Variants in SP110 observed in about 807,000 individuals in gnomAD.
The protein encoded by SP110 is SP110 nuclear body protein.
A neutral mutation model predicts 92.7 loss-of-function variants in SP110; 62 were observed. The ratio of observed to expected loss-of-function variants is 0.67; its 90% confidence interval spans 0.55 to 0.83. The LOEUF (loss-of-function observed/expected upper bound fraction) is 0.83. SP110 is among the 40% of genes least tolerant of loss of function. The pLI is 0.00. For synonymous variants in SP110, 273 were observed against 305.3 expected, an observed-to-expected ratio of 0.89 and a Z score of 1.10; for missense variants, 793 against 863.9, an observed-to-expected ratio of 0.92 and a Z score of 1.03.
At chr2:230,214,891 C>T in intron 3 of SP110, 59 bp downstream of exon 3, 13 of 1,456,694 alleles carry the variant, frequency 8.9e-6, no homozygotes, top group Non-Finnish European at 1.3e-5. Context: ...TAGAAGTAAA[C>T]CCAGACTTTT....
Position 230,206,596 on chromosome 2 carries a change from TA to T in SP110, c.898+1394del, listed in dbSNP as rs1370677041. On this transcript the variant is annotated intron_variant, in intron 8 of 18. Coordinates refer to ENST00000258381, the MANE Select transcript of SP110 (RefSeq NM_080424.4). ...ATTATATATTATCTGGTCCAGATTT[TA>T]TATATATATATATATATATATATAT... is the stretch of plus-strand genomic sequence containing the variant. Among the ~76,000 whole-genome samples the T allele has an allele frequency of 9.8e-3, 80 of 8,144 alleles. 1 individual carries two copies. Among genetic ancestry groups the T allele is most frequent in the African/African-American group, 0.024 (21 of 866 alleles). 5.3% of individuals were successfully genotyped at this position (8,144 alleles called of 152,430 possible). A position where few individuals can be genotyped will look rare whatever the true frequency, so the allele number is the denominator to read the frequency against.
chr2:230,204,176 C>G (rs72982411), intron 8 of SP110, among the ~76,000 whole-genome samples: 12,062 of 152,272 alleles, frequency 0.079, 663 homozygotes, highest in South Asian at 0.25. Context: ...CTTTCGGTAG[C>G]TTGGCAGAGA....
intron 4 of SP110, 52 bp downstream of exon 4, chr2:230,212,709 C>T (rs2044629899): frequency 1.2e-6 from 2 of 1,609,100 alleles, no homozygotes; most frequent in South Asian, 1.1e-5. Context: ...CAACATGGCA[C>T]AGGCACCTTA....
chr2:230,204,847 G>A (rs1365410421), intron 8 of SP110, among the ~76,000 whole-genome samples: 2 of 152,134 alleles, frequency 1.3e-5, no homozygotes, highest in African/African-American at 4.8e-5. Context: ...ACATTTATGG[G>A]GAGTAGTGTA....
rs766278218 is a variant in SP110 at position 230,169,106 on chromosome 2, A to G, written c.*18T>C. On this transcript the variant is annotated 3_prime_UTR_variant, in exon 19 of 19. Coordinates refer to ENST00000258381, the MANE Select transcript of SP110 (RefSeq NM_080424.4). ...CTGAATCCTGAGGTGGGGATGCTTC[A>G]GTCTTTACAGAACAGGGTCAAGGAA... 2 of 1,505,876 alleles carry G rather than the reference A, an allele frequency of 1.3e-6. No individual in the cohort carries two copies. The highest frequency in any genetic ancestry group is 3.3e-5 in the Admixed American group (2 of 59,884). 93.3% of individuals were successfully genotyped at this position (1,505,876 alleles called of 1,614,324 possible).
At chr2:230,202,888 T>C in intron 8 of SP110, 160 bp from the exon 9 acceptor site, 1 of 705,274 alleles carries the variant, frequency 1.4e-6, no homozygotes, top group South Asian at 1.6e-5. Context: ...TCTATAATTA[T>C]ATCCTTCTTC....
At position 230,215,122 on chromosome 2, in the gene SP110, T is replaced by A; in HGVS notation, c.148-4A>T. On this transcript the variant is annotated splice_region_variant and splice_polypyrimidine_tract_variant and intron_variant, in intron 2 of 18. Transcript: ENST00000258381. ...TTCTACAGGCTTCCAGAGATTCCTA[T>A]AAAAATGGAGTGAAGGTTTTTATAA... The A allele has an allele frequency of 6.2e-7, 1 of 1,611,894 alleles. No individual in the cohort carries two copies. Among genetic ancestry groups the A allele is most frequent in the Non-Finnish European group, 8.5e-7 (1 of 1,178,028 alleles).
rs1222114603 is a variant in SP110 at position 230,168,425 on chromosome 2, C to T, written c.*699G>A. The T allele has an allele frequency of 6.6e-6, 1 of 151,886 alleles. No homozygotes were observed. Among genetic ancestry groups the T allele is most frequent in the Non-Finnish European group, 1.5e-5 (1 of 67,998 alleles). 9.4% of individuals were successfully genotyped at this position (151,886 alleles called of 1,614,324 possible). A position where few individuals can be genotyped will look rare whatever the true frequency, so the allele number is the denominator to read the frequency against. On this transcript the variant is annotated 3_prime_UTR_variant, in exon 19 of 19. Transcript: ENST00000258381. ...ATGTAAAAAAAAACCTGAATCTCAT[C>T]ATTTTGCAACCTCTGATGATATCAC...
At position 230,169,257 on chromosome 2, in the gene SP110, A is replaced by G. The variant is rs1362951951; in HGVS notation, c.2029-20T>C. ...AGAAGCCTGAAAGAGAAAAAAGCAA[A>G]CAAACACATTGAAGGATGAAGGATT... On this transcript the variant is annotated intron_variant, in intron 18 of 18. Transcript: ENST00000258381. The G allele has an allele frequency of 1.5e-6, 2 of 1,331,240 alleles. No individual in the cohort carries two copies. Among genetic ancestry groups the G allele is most frequent in the African/African-American group, 2.9e-5 (2 of 69,330 alleles). The allele number at this position is 1,331,240 out of a possible 1,614,324, so 82.5% of individuals were successfully genotyped here.
At chr2:230,221,739 C>CA, upstream of SP110, 1 of 1,535,922 alleles carries the variant, frequency 6.5e-7, no homozygotes. Context: ...AAAGCCCCTT[C>CA]ATGGGCATCT....
At chr2:230,174,808 G>A (rs147385469) in intron 14 of SP110, among the ~76,000 whole-genome samples, 372 of 152,360 alleles carry the variant, frequency 2.4e-3, no homozygotes, top group African/African-American at 8.4e-3. Context: ...GGAGACAGAC[G>A]GACGTGCTGC....
chr2:230,203,156 G>A (rs1469267770), intron 8 of SP110: 1 of 224,966 alleles, frequency 4.4e-6, no homozygotes, highest in African/African-American at 2.3e-5. Context: ...GCCTTCAGTG[G>A]GCAAAGTGCA....
chr2:230,171,511 G>A lies in SP110; in HGVS notation c.1887+185C>T, dbSNP rs1560521333. 5 of 643,350 alleles carry A rather than the reference G, an allele frequency of 7.8e-6. 1 individual carries two copies. The South Asian group carries it at 8.9e-5, about 11-fold the overall frequency. The allele number at this position is 643,350 out of a possible 1,614,324, so 39.9% of individuals were successfully genotyped here. A position where few individuals can be genotyped will look rare whatever the true frequency, so the allele number is the denominator to read the frequency against. ...CCCAGAGCCCGTGAGCAGTGGGGTG[G>A]AGTTTGAACCAGGTAGTCCCTCTCC... On this transcript the variant is annotated intron_variant, in intron 17 of 18. Coordinates refer to ENST00000258381, the MANE Select transcript of SP110 (RefSeq NM_080424.4).
intron 1 of SP110, among the ~76,000 whole-genome samples, chr2:230,217,574 T>C (rs1454285065): frequency 6.6e-6 from 1 of 152,216 alleles, no homozygotes. Flanking sequence ...CAGTAACTTA[T>C]CTGATTTTCA....
rs201187540 is a variant in SP110, at chr2:230,212,880, C to G, written c.464G>C (p.Arg155Thr). ...PQPSCSPCAPRVSEPGTSSQQ... is the reference protein window; with the variant it reads ...PQPSCSPCAPTVSEPGTSSQQ... Reference sequence around the variant, plus strand: ...GGAGGATGTTCCAGGCTCACTGACTCTTGGCGCACAGGGTGAACAGCTTGG... The same window carrying G: ...GGAGGATGTTCCAGGCTCACTGACTGTTGGCGCACAGGGTGAACAGCTTGG... The change falls in exon 4 of 19, where the codon AGA (arginine) becomes ACA (threonine). Residue 155 changes from arginine to threonine, a missense_variant. Coordinates refer to ENST00000258381, the MANE Select transcript of SP110 (RefSeq NM_080424.4). 1.9e-6 allele frequency: 3 copies of G among 1,614,070 alleles called. No homozygotes were observed. The highest frequency in any genetic ancestry group is 2.5e-6 in the Non-Finnish European group (3 of 1,180,004).
chr2:230,181,935 A>C (rs1419167693), intron 12 of SP110, among the ~76,000 whole-genome samples: 1 of 152,264 alleles, frequency 6.6e-6, no homozygotes, highest in Non-Finnish European at 1.5e-5. Context: ...CATTTGACTC[A>C]GCAAGCAATC....
intron 10 of SP110, among the ~76,000 whole-genome samples, chr2:230,190,956 T>C (rs931266279): frequency 3.3e-5 from 5 of 152,248 alleles, no homozygotes; most frequent in Non-Finnish European, 7.3e-5. Flanking sequence ...TTGGTTACTG[T>C]AGCCTTGTCG....
intron 8 of SP110, among the ~76,000 whole-genome samples, chr2:230,203,955 C>G (rs1424743463): frequency 6.6e-6 from 1 of 152,020 alleles, no homozygotes; most frequent in Non-Finnish European, 1.5e-5. Flanking sequence ...ATTTTAATAC[C>G]ATTGAGCTAT....
At position 230,165,609 on chromosome 2, in the gene SP110, G is replaced by A. The variant is rs1412247210; in HGVS notation, c.*3515C>T. ...AAAAAATTAATACTAATTCATGTCT[G>A]TATTTCAAGAGAGTGAAAAGACAGG... On this transcript the variant is annotated 3_prime_UTR_variant, in exon 19 of 19. Coordinates refer to ENST00000258381, the MANE Select transcript of SP110 (RefSeq NM_080424.4). Among the ~76,000 whole-genome samples, 1 of 152,146 alleles carries A rather than the reference G, an allele frequency of 6.6e-6. No individual in the cohort carries two copies. Among genetic ancestry groups the A allele is most frequent in the Non-Finnish European group, 1.5e-5 (1 of 68,018 alleles).
Sources: gnomAD v4.1 joint callset for allele counts (sites outside exome capture counted in the v4.1 genomes callset) on GRCh38, gnomAD v4.1.1 for gene constraint, MANE v1.5 for transcripts, NCBI Gene and HGNC (gene_info 2026-07-23, HGNC 2026-07-21) for gene names.